The following PDGFRA variants were observed in gnomAD, a reference collection of about 807,000 sequenced individuals.
The protein encoded by PDGFRA is platelet-derived growth factor receptor alpha.
In PDGFRA, 25 loss-of-function variants were observed where a neutral mutation model predicts 121.5. That is an observed-to-expected ratio of 0.21 (90% CI 0.15 to 0.29). The LOEUF (loss-of-function observed/expected upper bound fraction) is 0.29, where lower values mean the gene tolerates loss of function less well. PDGFRA is among the 10% of genes least tolerant of loss of function. The pLI is 1.00. For synonymous variants in PDGFRA, 463 were observed against 494.8 expected, an observed-to-expected ratio of 0.94 and a Z score of 0.85; for missense variants, 1,008 against 1,345.1, an observed-to-expected ratio of 0.75 and a Z score of 3.92.
intron 1 of PDGFRA, among the ~76,000 whole-genome samples, chr4:54,248,792 G>T (rs1234089919): frequency 6.6e-6 from 1 of 152,100 alleles, no homozygotes; most frequent in Non-Finnish European, 1.5e-5. Flanking sequence ...CCTACAAAAT[G>T]GGAGAAAATT....
rs2110341517 is a variant in PDGFRA at position 54,287,491 on chromosome 4, T to A, written c.2624T>A (p.Leu875Gln). The A allele has an allele frequency of 1.3e-6, 2 of 1,569,818 alleles. No homozygotes were observed. The highest frequency in any genetic ancestry group is 1.1e-5 in the South Asian group (1 of 90,144). ...ATCTTTGACAACCTCTACACCACACTGAGTGATGTCTGGTCTTATGGCATT... is the reference window on the plus strand; with the variant it reads ...ATCTTTGACAACCTCTACACCACACAGAGTGATGTCTGGTCTTATGGCATT... The part of the protein sequence containing the change: ...ESIFDNLYTT[L>Q]SDVWSYGILL... The change falls in exon 19 of 23, where the codon CTG becomes CAG. Residue 875 changes from leucine (L) to glutamine (Q), a missense_variant. Physicochemically the swap from Leu to Gln is moderately radical, Grantham distance 113 (BLOSUM62 -2). Coordinates refer to ENST00000257290, the MANE Select transcript of PDGFRA (RefSeq NM_006206.6).
intron 16 of PDGFRA, among the ~76,000 whole-genome samples, chr4:54,285,084 T>C (rs1371704297): frequency 6.6e-6 from 1 of 151,660 alleles, no homozygotes; most frequent in Non-Finnish European, 1.5e-5. Context: ...TTAGTAGAGA[T>C]AGGGTTTTAC....
At chr4:54,242,977 A>G (rs760422853) in intron 1 of PDGFRA, among the ~76,000 whole-genome samples, 2 of 152,170 alleles carry the variant, frequency 1.3e-5, no homozygotes, top group Non-Finnish European at 2.9e-5. Context: ...ATTGGTGTGT[A>G]TTACCTAGGT....
chr4:54,239,820 T>G (rs1721199078), intron 1 of PDGFRA, among the ~76,000 whole-genome samples: 1 of 150,646 alleles, frequency 6.6e-6, no homozygotes, highest in South Asian at 2.1e-4. Flanking sequence ...TCTCTTTAGT[T>G]TCTTTTTTAA....
Position 54,280,797 on chromosome 4 carries a change from C to T in PDGFRA, c.2323+315C>T, listed in dbSNP as rs1476723204. The T allele has an allele frequency of 2.9e-5, 5 of 174,528 alleles. No homozygotes were observed. In the East Asian group the frequency reaches 5.9e-4, roughly 21 times the overall value. 10.8% of individuals were successfully genotyped at this position (174,528 alleles called of 1,614,324 possible). A position where few individuals can be genotyped will look rare whatever the true frequency, so the allele number is the denominator to read the frequency against. ...TTATTTATTCTGATATAATGAACTT[C>T]CTTTTTTATTGCTGTCTTTTTCTTT... is the stretch of plus-strand genomic sequence containing the variant. On this transcript the variant is annotated intron_variant, in intron 16 of 22. Coordinates refer to ENST00000257290, the MANE Select transcript of PDGFRA (RefSeq NM_006206.6).
chr4:54,264,005 T>C (rs1233390483), intron 4 of PDGFRA, 78 bp downstream of exon 4: 2 of 1,385,002 alleles, frequency 1.4e-6, no homozygotes, highest in Admixed American at 3.8e-5. Context: ...TTTTTTTTTT[T>C]TTTTAAATCA....
chr4:54,242,309 A>G lies in PDGFRA; in HGVS notation c.-13+12894A>G, dbSNP rs548173345. On this transcript the variant is annotated intron_variant, in intron 1 of 22. Coordinates refer to ENST00000257290, the MANE Select transcript of PDGFRA (RefSeq NM_006206.6). The stretch of plus-strand genomic sequence containing the variant: ...AAGGGTAATGTTGGATCTTGTAAAA[A>G]TTGCTTGCCATCTCTTTGGAGATAC... 2.0e-5 allele frequency among the ~76,000 whole-genome samples: 3 copies of G among 152,206 alleles called. No homozygotes were observed. The East Asian group carries it at 5.8e-4, about 29-fold the overall frequency.
rs765680542 is a variant in PDGFRA at position 54,274,859 on chromosome 4, C to T, written c.1672C>T (p.Arg558Cys). 5 of 1,613,906 alleles carry T rather than the reference C, an allele frequency of 3.1e-6. No homozygotes were observed. The highest frequency in any genetic ancestry group is 2.2e-5 in the East Asian group (1 of 44,884). The change falls in exon 12 of 23, where the codon CGC becomes TGC. Residue 558 changes from arginine to cysteine, a missense_variant. By Grantham distance (180) the Arg-to-Cys change is radical. Around this residue, in one of 5 missense-constraint regions of PDGFRA, gnomAD observed 575 missense variants for 701.8 expected, o/e 0.82. Transcript: ENST00000257290. ...IWKQKPRYEI[R>C]WRVIESISPD... ...TTTATAGAAACCGAGGTATGAAATTCGCTGGAGGGTCATTGAATCAATCAG... is the reference window on the plus strand; with the variant it reads ...TTTATAGAAACCGAGGTATGAAATTTGCTGGAGGGTCATTGAATCAATCAG...
rs186192482 is a variant in PDGFRA, at chr4:54,249,827, G to A, written c.-12-8930G>A. On this transcript the variant is annotated intron_variant, in intron 1 of 22. Coordinates refer to ENST00000257290, the MANE Select transcript of PDGFRA (RefSeq NM_006206.6). ...AATTTTTAAAAAATAAAGTTAAAGG[G>A]ATATTATTATTATTATTTTTGTAAG... is the stretch of plus-strand genomic sequence containing the variant. Among the ~76,000 whole-genome samples, 74 of 151,842 alleles carry A rather than the reference G, an allele frequency of 4.9e-4. No homozygotes were observed. In the Middle Eastern group the frequency reaches 0.027, roughly 56 times the overall value.
Position 54,267,387 on chromosome 4 carries a change from A to G in PDGFRA, c.858A>G (p.Gly286=), listed in dbSNP as rs1338696489. 1 of 1,614,046 alleles carries G rather than the reference A, an allele frequency of 6.2e-7. No homozygotes were observed. The highest frequency in any genetic ancestry group is 8.5e-7 in the Non-Finnish European group (1 of 1,179,984). Residue 286 remains glycine, a synonymous_variant, in exon 6 of 23, where the codon GGA becomes GGG. Coordinates refer to ENST00000257290, the MANE Select transcript of PDGFRA (RefSeq NM_006206.6). ...TVPEATVKDS[G]DYECAARQAT... is the part of the protein sequence containing the mutation. The stretch of plus-strand genomic sequence containing the variant: ...CCGAGGCCACGGTGAAAGACAGTGG[A>G]GATTACGAATGTGCTGCCCGCCAGG...
At chr4:54,287,254 T>C (rs1053128110) in intron 18 of PDGFRA, among the ~76,000 whole-genome samples, 176 bp from the exon 19 acceptor site, 1 of 152,210 alleles carries the variant, frequency 6.6e-6, no homozygotes, top group Admixed American at 6.5e-5. Context: ...GAGCACCTAC[T>C]ATGTGCCAGG....
rs1010157164 is a variant in PDGFRA at position 54,296,670 on chromosome 4, G to C, written c.*1398G>C. The C allele has an allele frequency of 8.6e-6, 2 of 232,482 alleles. No homozygotes were observed. Among genetic ancestry groups the C allele is most frequent in the African/African-American group, 4.4e-5 (2 of 45,266 alleles). 14.4% of individuals were successfully genotyped at this position (232,482 alleles called of 1,614,324 possible). A position where few individuals can be genotyped will look rare whatever the true frequency, so the allele number is the denominator to read the frequency against. ...TGAAGTCTGAGGGAAACCAGAGTCT[G>C]TATTTTTCTAAACTCCCTGGCTGTT... is the stretch of plus-strand genomic sequence containing the variant. On this transcript the variant is annotated 3_prime_UTR_variant, in exon 23 of 23. Coordinates refer to ENST00000257290, the MANE Select transcript of PDGFRA (RefSeq NM_006206.6).
intron 1 of PDGFRA, among the ~76,000 whole-genome samples, chr4:54,235,979 A>G (rs998981305): frequency 9.9e-5 from 15 of 152,228 alleles, no homozygotes; most frequent in Admixed American, 7.8e-4. Flanking sequence ...TTCTTCTGAG[A>G]GAAAGCATAA....
intron 2 of PDGFRA, 66 bp downstream of exon 2, chr4:54,258,883 A>T (rs990255704): frequency 7.7e-7 from 1 of 1,298,694 alleles, no homozygotes; most frequent in South Asian, 1.2e-5. Context: ...TTTGTGCTGC[A>T]TGGGTTTATT....
intron 17 of PDGFRA, 148 bp downstream of exon 17, chr4:54,285,634 A>C: frequency 1.4e-6 from 1 of 738,498 alleles, no homozygotes; most frequent in Non-Finnish European, 2.5e-6. Flanking sequence ...TACGCAGGTC[A>C]GGGAGTCTGA....
rs756600555 is a variant in PDGFRA, at chr4:54,263,983, G to A, written c.628+56G>A. On this transcript the variant is annotated intron_variant, in intron 4 of 22. Coordinates refer to ENST00000257290, the MANE Select transcript of PDGFRA (RefSeq NM_006206.6). ...TAAGAGTAACAGGCAAAATCATAAG[G>A]TGCGTGTAGGATTTTTTTTTTTTTT... 12 of 1,528,006 alleles carry A rather than the reference G, an allele frequency of 7.9e-6. No homozygotes were observed. The Admixed American group carries it at 2.0e-4, about 26-fold the overall frequency. The allele number at this position is 1,528,006 out of a possible 1,614,324, so 94.7% of individuals were successfully genotyped here. A position where few individuals can be genotyped will look rare whatever the true frequency, so the allele number is the denominator to read the frequency against.
chr4:54,290,316 T>C lies in PDGFRA; in HGVS notation c.2884T>C (p.Tyr962His), dbSNP rs749340499. 4 of 1,610,554 alleles carry C rather than the reference T, an allele frequency of 2.5e-6. No homozygotes were observed. Among genetic ancestry groups the C allele is most frequent in the Non-Finnish European group, 3.4e-6 (4 of 1,176,700 alleles). ...TATGTTCAATGAATGTTTATAGAGTTATGAAAAAATTCACCTGGACTTCCT... is the reference window on the plus strand; with the variant it reads ...TATGTTCAATGAATGTTTATAGAGTCATGAAAAAATTCACCTGGACTTCCT... ...NLLPGQYKKS[Y>H]EKIHLDFLKS... The change falls in exon 22 of 23, where the codon TAT becomes CAT. Residue 962 changes from tyrosine to histidine, a missense_variant. By Grantham distance (83) the Tyr-to-His change is moderately conservative. Coordinates refer to ENST00000257290, the MANE Select transcript of PDGFRA (RefSeq NM_006206.6).
chr4:54,291,827 G>A lies in PDGFRA; in HGVS notation c.3122+1273G>A, dbSNP rs146254668. Among the ~76,000 whole-genome samples the A allele has an allele frequency of 2.2e-3, 297 of 132,360 alleles. 3 individuals carry two copies. The highest frequency in any genetic ancestry group is 7.3e-3 in the African/African-American group (281 of 38,272). The allele number at this position is 132,360 out of a possible 152,430, so 86.8% of individuals were successfully genotyped here. ...CATTCTACCATAAAGACATGCATACGTATGTTCACTGCAGCACTATTCACG... is the reference window on the plus strand; with the variant it reads ...CATTCTACCATAAAGACATGCATACATATGTTCACTGCAGCACTATTCACG... On this transcript the variant is annotated intron_variant, in intron 22 of 22. Coordinates refer to ENST00000257290, the MANE Select transcript of PDGFRA (RefSeq NM_006206.6).
At chr4:54,241,247 A>G (rs34153175) in intron 1 of PDGFRA, among the ~76,000 whole-genome samples, 1 of 152,196 alleles carries the variant, frequency 6.6e-6, no homozygotes, top group Non-Finnish European at 1.5e-5. Flanking sequence ...GAAATAAAAA[A>G]CAATAAGCAG....
Sources: gnomAD v4.1 joint callset for allele counts (sites outside exome capture counted in the v4.1 genomes callset) on GRCh38, gnomAD v4.1.1 for gene constraint, gnomAD v4.1.1 regional missense constraint, MANE v1.5 for transcripts, NCBI Gene and HGNC (gene_info 2026-07-23, HGNC 2026-07-21) for gene names.